HS6ST2: variants seen among roughly 807,000 people sequenced by gnomAD.
HS6ST2 encodes heparan-sulfate 6-O-sulfotransferase 2.
A neutral mutation model predicts 33.0 loss-of-function variants in HS6ST2; 17 were observed. The ratio of observed to expected loss-of-function variants is 0.52; its 90% CI spans 0.35 to 0.77. HS6ST2 has a LOEUF of 0.77. Among genes scored for constraint, HS6ST2 ranks in the 30% least tolerant of loss-of-function variants. The pLI, the probability that HS6ST2 is intolerant of heterozygous loss-of-function variation, is 0.01. For missense variants in HS6ST2, 519 were observed against 551.7 expected (o/e 0.94, Z 0.59); for synonymous variants, 248 against 237.1 (o/e 1.05, Z -0.42).
chrX:132,956,915 C>T lies in HS6ST2; in HGVS notation c.840G>A (p.Arg280=). The change falls in exon 2 of 5, where the codon AGG becomes AGA. Residue 280 remains arginine, a synonymous_variant. Transcript: ENST00000370833. ...PGKRETWLFS[R]FSTGWSCGLH... is the part of the protein sequence containing the mutation. ...ACCCGCAGCTCCAGCCCGTGGAGAA[C>T]CTGGAGAAGAGCCAGGTTTCCCGCT... is the stretch of plus-strand genomic sequence containing the variant. The T allele has an allele frequency of 8.3e-7, 1 of 1,200,264 alleles. No homozygotes were observed. Among genetic ancestry groups the T allele is most frequent in the Non-Finnish European group, 1.1e-6 (1 of 889,619 alleles).
chrX:132,801,575 G>A (rs899088825), intron 2 of HS6ST2, among the ~76,000 whole-genome samples: 3 of 111,569 alleles, frequency 2.7e-5, no homozygotes, highest in Non-Finnish European at 5.6e-5. Context: ...GAATTGCAGC[G>A]CCAGGTGGAT....
chrX:132,862,864 C>T (rs866830418), intron 2 of HS6ST2, among the ~76,000 whole-genome samples: 1 of 111,791 alleles, frequency 8.9e-6, no homozygotes, highest in East Asian at 2.8e-4. Context: ...GTTTGAACCA[C>T]GAAGTACCTA....
intron 2 of HS6ST2, among the ~76,000 whole-genome samples, chrX:132,865,870 T>C (rs1385161134): frequency 4.5e-5 from 5 of 111,844 alleles, no homozygotes; most frequent in Admixed American, 9.5e-5. Context: ...TTGTAGATTC[T>C]GGATATTAGC....
chrX:132,667,474 C>T (rs2063817777), intron 4 of HS6ST2, among the ~76,000 whole-genome samples: 1 of 111,861 alleles, frequency 8.9e-6, no homozygotes, highest in African/African-American at 3.3e-5. Flanking sequence ...TTATTCAGCC[C>T]TCCCACTGTT....
chrX:132,683,912 G>A (rs754755295), intron 3 of HS6ST2, among the ~76,000 whole-genome samples: 37 of 109,925 alleles, frequency 3.4e-4, no homozygotes, highest in African/African-American at 9.6e-4. Flanking sequence ...AACCTAAAGC[G>A]TACCTGTAAT....
chrX:132,643,430 A>G (rs1331375495), intron 4 of HS6ST2, among the ~76,000 whole-genome samples: 1 of 112,025 alleles, frequency 8.9e-6, no homozygotes, highest in Non-Finnish European at 1.9e-5. Flanking sequence ...GATGAAGGGC[A>G]AGGTTCCTGT....
At chrX:132,738,671 G>T (rs2064534301) in intron 2 of HS6ST2, among the ~76,000 whole-genome samples, 1 of 112,089 alleles carries the variant, frequency 8.9e-6, no homozygotes, top group South Asian at 3.7e-4. Flanking sequence ...CATAAATATG[G>T]TTGCAGATTC....
At chrX:132,862,536 T>C (rs2065922666) in intron 2 of HS6ST2, among the ~76,000 whole-genome samples, 1 of 112,422 alleles carries the variant, frequency 8.9e-6, no homozygotes, top group Non-Finnish European at 1.9e-5. Context: ...TCAAAGTACT[T>C]GTATCTGCAT....
chrX:132,687,112 T>C (rs1602580023), intron 3 of HS6ST2, among the ~76,000 whole-genome samples: 1 of 111,896 alleles, frequency 8.9e-6, no homozygotes, highest in East Asian at 2.8e-4. Flanking sequence ...GTTGTGACCA[T>C]TGTATTCAGC....
At chrX:132,791,234 T>C (rs931897942) in intron 2 of HS6ST2, among the ~76,000 whole-genome samples, 20 of 112,288 alleles carry the variant, frequency 1.8e-4, no homozygotes, top group African/African-American at 5.8e-4. Context: ...TCTCACTGTA[T>C]AGTATTTTGG....
At chrX:132,645,630 C>T (rs1392606718) in intron 4 of HS6ST2, among the ~76,000 whole-genome samples, 2 of 112,054 alleles carry the variant, frequency 1.8e-5, no homozygotes, top group Non-Finnish European at 3.8e-5. Context: ...TCACCTTCTA[C>T]GTGGTGGAAA....
chrX:132,828,678 T>TTTTA (rs1556460225), intron 2 of HS6ST2, among the ~76,000 whole-genome samples: 5 of 53,242 alleles, frequency 9.4e-5, no homozygotes, highest in African/African-American at 4.6e-4. Flanking sequence ...ATATCATATT[T>TTTTA]TATATATATA....
intron 4 of HS6ST2, among the ~76,000 whole-genome samples, 194 bp from the exon 5 acceptor site, chrX:132,629,287 T>C (rs2063501074): frequency 8.9e-6 from 1 of 111,918 alleles, no homozygotes; most frequent in Non-Finnish European, 1.9e-5. Flanking sequence ...AGATAGCTAA[T>C]TTTTTCAACC....
chrX:132,881,861 A>G (rs1399175625), intron 2 of HS6ST2, among the ~76,000 whole-genome samples: 8 of 111,585 alleles, frequency 7.2e-5, no homozygotes, highest in East Asian at 2.8e-4. Flanking sequence ...AGTTTTCCCA[A>G]CAGCATTTAT....
chrX:132,870,315 T>A (rs895693914), intron 2 of HS6ST2, among the ~76,000 whole-genome samples: 1 of 111,803 alleles, frequency 8.9e-6, no homozygotes, highest in African/African-American at 3.3e-5. Context: ...ATAGGAAGAA[T>A]GAATATCATG....
chrX:132,869,392 G>C (rs886084939), intron 2 of HS6ST2, among the ~76,000 whole-genome samples: 5 of 111,930 alleles, frequency 4.5e-5, no homozygotes, highest in African/African-American at 1.6e-4. Flanking sequence ...TAGAAAAAGA[G>C]GGACGCCTCC....
chrX:132,874,696 C>T (rs1312585572), intron 2 of HS6ST2, among the ~76,000 whole-genome samples: 2 of 112,108 alleles, frequency 1.8e-5, no homozygotes, highest in East Asian at 2.8e-4. Flanking sequence ...AGTCAAACTC[C>T]GCAGTAATGA....
intron 2 of HS6ST2, among the ~76,000 whole-genome samples, chrX:132,811,718 A>ATATG (rs1398080514): frequency 1.1e-5 from 1 of 92,109 alleles, no homozygotes; most frequent in African/African-American, 3.9e-5. Flanking sequence ...ATATATATAT[A>ATATG]TATATATCAC....
At chrX:132,633,385 TTATGTA>T (rs1395946122) in intron 4 of HS6ST2, among the ~76,000 whole-genome samples, 2 of 111,242 alleles carry the variant, frequency 1.8e-5, no homozygotes, top group African/African-American at 6.5e-5. Context: ...AGAAAGATCA[TTATGTA>T]TATGAAGATG....
Sources: gnomAD v4.1 joint callset for allele counts (sites outside exome capture counted in the v4.1 genomes callset) on GRCh38, gnomAD v4.1.1 for gene constraint, MANE v1.5 for transcripts, NCBI Gene and HGNC (gene_info 2026-07-23, HGNC 2026-07-21) for gene names.